LRRK2: variants seen among roughly 807,000 people sequenced by gnomAD.
The protein encoded by LRRK2 is leucine rich repeat kinase 2.
Under a neutral mutation model 302.6 loss-of-function variants are expected in LRRK2, and 203 were observed. That is an observed-to-expected ratio of 0.67 (90% confidence interval 0.60 to 0.75). The LOEUF (loss-of-function observed/expected upper bound fraction) is 0.75, where lower values mean the gene tolerates loss of function less well. Ranked by LOEUF, LRRK2 falls within the 30% of genes least tolerant of loss-of-function variation. The probability of loss-of-function intolerance (pLI) is 0.00; values close to 1 mark genes in which losing one functional copy is unlikely to be tolerated. For synonymous variants in LRRK2, 1,066 were observed against 1,031.9 expected, an observed-to-expected ratio of 1.03 and a Z score of -0.63; for missense variants, 2,830 against 2,951.0, an observed-to-expected ratio of 0.96 and a Z score of 0.95.
At position 40,351,601 on chromosome 12, in the gene LRRK2, A is replaced by G. The variant is rs767122381; in HGVS notation, c.6444A>G (p.Lys2148=). The G allele has an allele frequency of 6.8e-6, 11 of 1,614,074 alleles. No individual in the cohort carries two copies. The East Asian group carries it at 2.5e-4, about 36-fold the overall frequency. The change falls in exon 44 of 51, where the codon AAA becomes AAG. Residue 2148 remains lysine (K), a synonymous_variant. Transcript: ENST00000298910. ...VCLTRRILLP[K]NVIVECMVAT... ...TGACGAGACGCATTTTATTACCTAA[A>G]AACGTAATTGTTGAATGCATGGTTG...
chr12:40,348,413 A>G lies in LRRK2; in HGVS notation c.6285A>G (p.Pro2095=), dbSNP rs1051476872. Residue 2095 remains proline (P), a synonymous_variant, in exon 43 of 51, where the codon CCA becomes CCG. Coordinates refer to ENST00000298910, the MANE Select transcript of LRRK2 (RefSeq NM_198578.4). ...TGATGTTTTTTAATGTTTTAGATCC[A>G]GTTAAAGAATATGGTTGTGCCCCAT... is the stretch of plus-strand genomic sequence containing the variant. ...ELEIQGKLPD[P]VKEYGCAPWP... is the part of the protein sequence containing the mutation. 12 of 1,598,700 alleles carry G rather than the reference A, an allele frequency of 7.5e-6. No homozygotes were observed. The African/African-American group carries it at 1.2e-4, about 16-fold the overall frequency.
At chr12:40,326,700 C>T (rs1239611461) in intron 38 of LRRK2, among the ~76,000 whole-genome samples, 2 of 152,034 alleles carry the variant, frequency 1.3e-5, no homozygotes, top group African/African-American at 4.8e-5. Flanking sequence ...TCTCTTTTCC[C>T]TCTTCTGTTT....
intron 42 of LRRK2, 68 bp from the exon 43 acceptor site, chr12:40,348,341 A>G (rs918387580): frequency 1.8e-6 from 2 of 1,083,854 alleles, no homozygotes; most frequent in Non-Finnish European, 2.8e-6. Context: ...CCTTTTATAA[A>G]CATTGAGAGG....
chr12:40,319,869 C>G, intron 33 of LRRK2, 119 bp from the exon 34 acceptor site: 1 of 984,708 alleles, frequency 1.0e-6, no homozygotes, highest in Non-Finnish European at 1.5e-6. Context: ...CTGTGTTGCA[C>G]TTGAAAACAC....
At chr12:40,265,539 G>T (rs538176094) in intron 14 of LRRK2, among the ~76,000 whole-genome samples, 1 of 152,250 alleles carries the variant, frequency 6.6e-6, no homozygotes, top group Admixed American at 6.5e-5. Context: ...TAAGTGGGTG[G>T]GAAGAAGTGT....
intron 32 of LRRK2, 85 bp from the exon 33 acceptor site, chr12:40,315,127 A>T: frequency 9.2e-7 from 1 of 1,089,978 alleles, no homozygotes; most frequent in Non-Finnish European, 1.4e-6. Flanking sequence ...CTGCAAAATG[A>T]GGAAGTTGGA....
chr12:40,287,326 T>G, intron 19 of LRRK2, 25 bp from the exon 20 acceptor site: 1 of 1,586,078 alleles, frequency 6.3e-7, no homozygotes, highest in South Asian at 1.1e-5. Context: ...GATTTCTAAG[T>G]TGCTGGTGTA....
Position 40,295,545 on chromosome 12 carries a change from C to T in LRRK2, c.2997C>T (p.Ala999=). ...CAAATGAACTAAGAGATATTGATGC[C>T]CTAAGCCAGAAATGCTGTATAAGTG... The part of the protein sequence containing the change: ...LSANELRDID[A]LSQKCCISVH... The change falls in exon 23 of 51, where the codon GCC becomes GCT. Residue 999 remains alanine (A), a synonymous_variant. Transcript: ENST00000298910. 6.2e-7 allele frequency: 1 copy of T among 1,613,894 alleles called. No homozygotes were observed. The highest frequency in any genetic ancestry group is 8.5e-7 in the Non-Finnish European group (1 of 1,179,948).
chr12:40,279,814 T>C (rs1943610509), intron 18 of LRRK2, among the ~76,000 whole-genome samples: 1 of 152,242 alleles, frequency 6.6e-6, no homozygotes, highest in Admixed American at 6.5e-5. Context: ...ATGTATTAGG[T>C]TTAAAGAATT....
intron 47 of LRRK2, among the ~76,000 whole-genome samples, chr12:40,360,531 A>T (rs1946670908): frequency 6.6e-6 from 1 of 152,104 alleles, no homozygotes; most frequent in Non-Finnish European, 1.5e-5. Flanking sequence ...TAACAAGAGC[A>T]TCCAGTTCTC....
At chr12:40,286,565 T>C (rs985261684) in intron 19 of LRRK2, 29 of 152,138 alleles carry the variant, frequency 1.9e-4, no homozygotes, top group Admixed American at 7.9e-4. Flanking sequence ...TCCCCCACCA[T>C]GCTCTGAGCC....
chr12:40,299,801 G>T (rs1944553268), intron 25 of LRRK2, among the ~76,000 whole-genome samples: 1 of 152,110 alleles, frequency 6.6e-6, no homozygotes, highest in Non-Finnish European at 1.5e-5. Flanking sequence ...AATGCAAATT[G>T]TTAATAATAG....
In LRRK2 at chr12:40,322,444, A is replaced by C. The variant is rs1945432028; in HGVS notation, c.5443A>C (p.Ser1815Arg). ...TCTGTTGAAGAAATGGGCATTATAT[A>C]GTTTTAATGATGGTGAAGAACATCA... ...ETLLKKWALY[S>R]FNDGEEHQKI... The change falls in exon 37 of 51, where the codon AGT becomes CGT. Residue 1815 changes from serine (S) to arginine (R), a missense_variant. Ser to Arg is a moderately radical substitution (Grantham distance 110). Coordinates refer to ENST00000298910, the MANE Select transcript of LRRK2 (RefSeq NM_198578.4). 6.2e-7 allele frequency: 1 copy of C among 1,613,388 alleles called. No homozygotes were observed. Among genetic ancestry groups the C allele is most frequent in the Non-Finnish European group, 8.5e-7 (1 of 1,179,442 alleles).
Position 40,285,609 on chromosome 12 carries a change from G to A in LRRK2, c.2500+1476G>A, listed in dbSNP as rs117165831. 7.4e-3 allele frequency among the ~76,000 whole-genome samples: 1,128 copies of A among 151,884 alleles called. 13 individuals are homozygous for A. The highest frequency in any genetic ancestry group is 9.0e-3 in the Non-Finnish European group (610 of 67,952). On this transcript the variant is annotated intron_variant, in intron 19 of 50. Transcript: ENST00000298910. ...TCTATGATACAGACATTCTCAATGT[G>A]CACAAAAATTATGTACAAAAATGCA...
At position 40,315,249 on chromosome 12, in the gene LRRK2, A is replaced by G; in HGVS notation, c.4776A>G (p.Leu1592=). 2 of 1,612,756 alleles carry G rather than the reference A, an allele frequency of 1.2e-6. No individual in the cohort carries two copies. Among genetic ancestry groups the G allele is most frequent in the Non-Finnish European group, 1.7e-6 (2 of 1,178,954 alleles). Residue 1592 remains leucine, a synonymous_variant, in exon 33 of 51, where the codon TTA becomes TTG. Transcript: ENST00000298910. ...LLHFQDPALQ[L]SDLYFVEPKW... ...ATTTTCAAGACCCAGCACTGCAGTT[A>G]AGTGACTTGTACTTTGTGGAACCCA...
intron 33 of LRRK2, among the ~76,000 whole-genome samples, chr12:40,318,377 A>T (rs578188439): frequency 6.6e-6 from 1 of 152,252 alleles, no homozygotes; most frequent in African/African-American, 2.4e-5. Context: ...AAATAAGTGT[A>T]TCTTAGTAAA....
chr12:40,238,179 A>G, intron 5 of LRRK2, 76 bp downstream of exon 5: 1 of 1,421,646 alleles, frequency 7.0e-7, no homozygotes, highest in Non-Finnish European at 9.7e-7. Flanking sequence ...GAACACAGTT[A>G]TAATAAGAAG....
intron 18 of LRRK2, among the ~76,000 whole-genome samples, chr12:40,279,112 C>T (rs1444616361): frequency 6.6e-6 from 1 of 150,628 alleles, no homozygotes; most frequent in Non-Finnish European, 1.5e-5. Context: ...ATTCAGGTAG[C>T]ACTATGTCTA....
chr12:40,327,156 A>G (rs1459205641), intron 38 of LRRK2, among the ~76,000 whole-genome samples: 15 of 151,912 alleles, frequency 9.9e-5, no homozygotes, highest in Non-Finnish European at 5.9e-5. Context: ...GTCGGTGGAG[A>G]GTAACAGTCC....
Sources: gnomAD v4.1 joint callset for allele counts (sites outside exome capture counted in the v4.1 genomes callset) on GRCh38, gnomAD v4.1.1 for gene constraint, MANE v1.5 for transcripts, NCBI Gene and HGNC (gene_info 2026-07-23, HGNC 2026-07-21) for gene names.